PI4KA: variants seen among roughly 807,000 people sequenced by gnomAD.
PI4KA encodes the protein PI4-kinase alpha.
PI4KA carries 122 observed loss-of-function variants against 271.4 expected under a neutral mutation model. That is an observed-to-expected ratio of 0.45 (90% confidence interval 0.39 to 0.52). PI4KA has a LOEUF of 0.52. Ranked by LOEUF, PI4KA falls within the 20% of genes least tolerant of loss-of-function variation. The pLI, the probability that PI4KA is intolerant of heterozygous loss-of-function variation, is 0.00. For synonymous variants in PI4KA, 1,041 were observed against 1,078.8 expected (o/e 0.96, Z 0.69); for missense variants, 1,969 against 2,769.1 (o/e 0.71, Z 6.48).
chr22:20,733,175 A>G, intron 35 of PI4KA, 77 bp from the exon 36 acceptor site: 1 of 1,518,620 alleles, frequency 6.6e-7, no homozygotes, highest in Non-Finnish European at 9.1e-7. Flanking sequence ...AAGCAGTGAG[A>G]AGGTGATGCA....
intron 1 of PI4KA, among the ~76,000 whole-genome samples, chr22:20,847,008 T>C (rs1926353611): frequency 6.6e-6 from 1 of 151,118 alleles, no homozygotes; most frequent in African/African-American, 2.4e-5. Context: ...ATTAGCTGGG[T>C]GTGGTGCAAC....
At position 20,733,742 on chromosome 22, in the gene PI4KA, T is replaced by A; in HGVS notation, c.4154A>T (p.Tyr1385Phe). 1 of 1,613,682 alleles carries A rather than the reference T, an allele frequency of 6.2e-7. No individual in the cohort carries two copies. The highest frequency in any genetic ancestry group is 8.5e-7 in the Non-Finnish European group (1 of 1,179,826). ...GCACATCTTGGGGGAGTACCTGAAGTAGTCAAAGGCAGTGGAGTAGATCTT... is the reference window on the plus strand; with the variant it reads ...GCACATCTTGGGGGAGTACCTGAAGAAGTCAAAGGCAGTGGAGTAGATCTT... ...REKIYSTAFD[Y>F]FSCPPKFPTQ... The change falls in exon 35 of 55, where the codon TAC becomes TTC. Residue 1385 changes from tyrosine (Y) to phenylalanine (F), a missense_variant. Physicochemically the swap from Tyr to Phe is conservative, Grantham distance 22 (BLOSUM62 3). This residue lies in a region of PI4KA where 72 missense variants were observed against 103.1 expected (regional missense o/e 0.70). Transcript: ENST00000255882.
chr22:20,842,510 G>A (rs1336422104), intron 1 of PI4KA, among the ~76,000 whole-genome samples: 1 of 152,148 alleles, frequency 6.6e-6, no homozygotes, highest in East Asian at 1.9e-4. Context: ...ATCAAACTGA[G>A]TAATCAGATT....
At chr22:20,718,157 G>C (rs1926250503) in intron 44 of PI4KA, among the ~76,000 whole-genome samples, 2 of 152,328 alleles carry the variant, frequency 1.3e-5, no homozygotes, top group African/African-American at 4.8e-5. Context: ...GGACCTCAAA[G>C]TGACCAAGGT....
At chr22:20,776,341 A>G (rs1933270581) in intron 19 of PI4KA, among the ~76,000 whole-genome samples, 1 of 152,092 alleles carries the variant, frequency 6.6e-6, no homozygotes, top group Non-Finnish European at 1.5e-5. Flanking sequence ...TAAAAATAAA[A>G]AGAAATCGTT....
chr22:20,848,937 CTTA>C (rs1034512906), intron 1 of PI4KA, among the ~76,000 whole-genome samples: 2 of 152,126 alleles, frequency 1.3e-5, no homozygotes, highest in South Asian at 2.1e-4. Context: ...AATCATATAT[CTTA>C]TTAAGAAACT....
At chr22:20,766,699 C>A (rs1450519502) in intron 19 of PI4KA, among the ~76,000 whole-genome samples, 1 of 152,098 alleles carries the variant, frequency 6.6e-6, no homozygotes, top group Non-Finnish European at 1.5e-5. Flanking sequence ...TGCACGATGC[C>A]CAGCTGGACA....
At chr22:20,739,228 C>T (rs1347662523) in intron 32 of PI4KA, among the ~76,000 whole-genome samples, 1 of 151,670 alleles carries the variant, frequency 6.6e-6, no homozygotes, top group South Asian at 2.1e-4. Context: ...CGCCTGTAGT[C>T]TCAGCTACTC....
chr22:20,762,829 A>G (rs1932110993), intron 22 of PI4KA, among the ~76,000 whole-genome samples: 1 of 152,062 alleles, frequency 6.6e-6, no homozygotes, highest in African/African-American at 2.4e-5. Flanking sequence ...ATTTTGCAAG[A>G]TTTTGTATAA....
intron 1 of PI4KA, among the ~76,000 whole-genome samples, chr22:20,849,722 C>T (rs165878): frequency 0.49 from 74,033 of 151,806 alleles, 18,555 homozygotes; most frequent in African/African-American, 0.59. Context: ...GGCGCAGTGG[C>T]GGGCGCCTGT....
chr22:20,791,141 G>A (rs185345923), intron 19 of PI4KA, among the ~76,000 whole-genome samples: 51 of 152,272 alleles, frequency 3.3e-4, no homozygotes, highest in Admixed American at 1.0e-3. Context: ...CAAAGTGCCC[G>A]ACAGATTTCC....
At chr22:20,738,398 G>A (rs1460281718) in intron 32 of PI4KA, among the ~76,000 whole-genome samples, 1 of 152,192 alleles carries the variant, frequency 6.6e-6, no homozygotes, top group Non-Finnish European at 1.5e-5. Context: ...CATTTATTTT[G>A]GGTCATGAAT....
At chr22:20,807,678 G>A (rs991480097) in intron 9 of PI4KA, among the ~76,000 whole-genome samples, 18 of 152,138 alleles carry the variant, frequency 1.2e-4, no homozygotes, top group Non-Finnish European at 1.5e-4. Flanking sequence ...AGATGCCTGC[G>A]GGGGAGCAGC....
At chr22:20,791,569 C>T (rs1934648284) in intron 19 of PI4KA, among the ~76,000 whole-genome samples, 2 of 152,006 alleles carry the variant, frequency 1.3e-5, no homozygotes, top group Non-Finnish European at 2.9e-5. Flanking sequence ...CAAGCCTGGG[C>T]AACATGGCAA....
At chr22:20,749,238 C>T (rs1424978552) in intron 28 of PI4KA, among the ~76,000 whole-genome samples, 2 of 152,226 alleles carry the variant, frequency 1.3e-5, no homozygotes, top group Admixed American at 1.3e-4. Flanking sequence ...ACTTTTGAGC[C>T]TGTTTCATCT....
intron 18 of PI4KA, among the ~76,000 whole-genome samples, chr22:20,794,417 G>T (rs989360323): frequency 6.6e-6 from 1 of 152,118 alleles, no homozygotes; most frequent in African/African-American, 2.4e-5. Flanking sequence ...CTAAGGTCCC[G>T]CTAGACACGC....
Position 20,764,970 on chromosome 22 carries a change from C to G in PI4KA, c.2575-20G>C. 3.1e-6 allele frequency: 5 copies of G among 1,596,496 alleles called. No homozygotes were observed. The East Asian group carries it at 9.0e-5, about 29-fold the overall frequency. ...CTCAGCCTGGAGGGAGAGAAACATC[C>G]GAGGGCTCATGGGGCATCCCCCAGG... On this transcript the variant is annotated intron_variant, in intron 21 of 54. Coordinates refer to ENST00000255882, the MANE Select transcript of PI4KA (RefSeq NM_058004.4).
chr22:20,830,618 T>A (rs925577325), intron 3 of PI4KA, among the ~76,000 whole-genome samples: 1 of 152,332 alleles, frequency 6.6e-6, no homozygotes, highest in East Asian at 1.9e-4. Flanking sequence ...ATGTGTCTTT[T>A]AAAGGGATAT....
intron 23 of PI4KA, among the ~76,000 whole-genome samples, chr22:20,759,584 G>C (rs1931743266): frequency 1.4e-5 from 2 of 147,322 alleles, no homozygotes; most frequent in Non-Finnish European, 3.0e-5. Context: ...ATTTATTTTT[G>C]AGACAGAGTC....
Sources: gnomAD v4.1 joint callset for allele counts (sites outside exome capture counted in the v4.1 genomes callset) on GRCh38, gnomAD v4.1.1 for gene constraint, gnomAD v4.1.1 regional missense constraint, MANE v1.5 for transcripts, NCBI Gene and HGNC (gene_info 2026-07-23, HGNC 2026-07-21) for gene names.